The following GALK2 variants were observed in gnomAD, a reference collection of about 807,000 sequenced individuals.
GALK2 encodes galactokinase 2.
A neutral mutation model predicts 52.4 loss-of-function variants in GALK2; 36 were observed. The ratio of observed to expected loss-of-function variants is 0.69; its 90% confidence interval spans 0.53 to 0.91. The LOEUF (loss-of-function observed/expected upper bound fraction) is 0.91, where lower values mean the gene tolerates loss of function less well. GALK2 is among the 40% of genes least tolerant of loss of function. GALK2 has a pLI of 0.00. For missense variants in GALK2, 579 were observed against 559.1 expected, an observed-to-expected ratio of 1.04 and a Z score of -0.36; for synonymous variants, 176 against 199.1, an observed-to-expected ratio of 0.88 and a Z score of 0.98.
At chr15:49,337,955 C>T (rs950257048) in intron 3 of GALK2, among the ~76,000 whole-genome samples, 10 of 152,130 alleles carry the variant, frequency 6.6e-5, no homozygotes, top group Non-Finnish European at 2.9e-5. Context: ...AACACTGCCG[C>T]AATAAACATA....
At chr15:49,156,299 G>T in intron 1 of GALK2, 1 of 446,014 alleles carries the variant, frequency 2.2e-6, no homozygotes, top group South Asian at 2.2e-5. Flanking sequence ...ACATTACTGT[G>T]AACCTGAGGG....
chr15:49,184,260 T>C (rs1199611448), intron 1 of GALK2, among the ~76,000 whole-genome samples: 1 of 152,188 alleles, frequency 6.6e-6, no homozygotes, highest in Non-Finnish European at 1.5e-5. Flanking sequence ...TTTTTGGAAA[T>C]CTATTTTGTG....
At chr15:49,339,044 G>A (rs142198781) in intron 3 of GALK2, among the ~76,000 whole-genome samples, 2 of 152,138 alleles carry the variant, frequency 1.3e-5, no homozygotes, top group Non-Finnish European at 2.9e-5. Context: ...TTTTTTCAAG[G>A]TTCTTAGCTT....
chr15:49,216,102 G>A (rs2089346203), intron 2 of GALK2, among the ~76,000 whole-genome samples: 1 of 152,222 alleles, frequency 6.6e-6, no homozygotes, highest in Non-Finnish European at 1.5e-5. Context: ...CCAGTCAGAA[G>A]TAGTCTGTCT....
chr15:49,299,200 G>A (rs544571459), intron 8 of GALK2, among the ~76,000 whole-genome samples: 5 of 151,956 alleles, frequency 3.3e-5, no homozygotes, highest in Non-Finnish European at 7.4e-5. Flanking sequence ...TAGTGTCTGA[G>A]GGTTTTTTGT....
chr15:49,231,901 GC>G, intron 3 of GALK2, among the ~76,000 whole-genome samples: 1 of 152,308 alleles, frequency 6.6e-6, no homozygotes, highest in Non-Finnish European at 1.5e-5. Context: ...GCTTTCATGG[GC>G]TAGTGTTCAT....
At chr15:49,365,985 C>T in intron 3 of GALK2, 1 of 821,552 alleles carries the variant, frequency 1.2e-6, no homozygotes, top group Non-Finnish European at 2.2e-6. Flanking sequence ...GTAAGACCAT[C>T]ATAACACAGT....
intron 1 of GALK2, among the ~76,000 whole-genome samples, chr15:49,179,573 C>G (rs1228882208): frequency 6.6e-6 from 1 of 151,736 alleles, no homozygotes; most frequent in Non-Finnish European, 1.5e-5. Context: ...TTATTAAAGT[C>G]CATTTCATTC....
chr15:49,159,885 C>T (rs1290375475), intron 1 of GALK2, among the ~76,000 whole-genome samples: 3 of 152,094 alleles, frequency 2.0e-5, no homozygotes, highest in Non-Finnish European at 4.4e-5. Flanking sequence ...TGAAAGGATT[C>T]GGATATCATG....
At chr15:49,188,123 T>C (rs1427617675) in intron 1 of GALK2, among the ~76,000 whole-genome samples, 1 of 152,216 alleles carries the variant, frequency 6.6e-6, no homozygotes, top group Non-Finnish European at 1.5e-5. Flanking sequence ...CAGCAGGTGA[T>C]GAATTCTCCC....
intron 2 of GALK2, among the ~76,000 whole-genome samples, chr15:49,203,698 T>C (rs1209712382): frequency 6.6e-6 from 1 of 152,224 alleles, no homozygotes; most frequent in African/African-American, 2.4e-5. Context: ...AAATTCATTT[T>C]TATAAATGGT....
In GALK2 at chr15:49,270,747, G is replaced by T. The variant is rs527976482; in HGVS notation, c.505-11240G>T. Among the ~76,000 whole-genome samples the T allele has an allele frequency of 2.5e-4, 38 of 152,268 alleles. No homozygotes were observed. In the South Asian group the frequency reaches 7.9e-3, roughly 32 times the overall value. Reference sequence around the variant, plus strand: ...TTGACTCGGATTATGATTCATAGAGGTTCTTTCTTTCTCTTTCGTTTGCAT... The same window carrying T: ...TTGACTCGGATTATGATTCATAGAGTTTCTTTCTTTCTCTTTCGTTTGCAT... On this transcript the variant is annotated intron_variant, in intron 5 of 9. Coordinates refer to ENST00000560031, the MANE Select transcript of GALK2 (RefSeq NM_002044.4).
intron 4 of GALK2, among the ~76,000 whole-genome samples, chr15:49,236,651 C>T (rs888449454): frequency 6.6e-6 from 1 of 152,130 alleles, no homozygotes; most frequent in Non-Finnish European, 1.5e-5. Flanking sequence ...GTTTTTAGAG[C>T]CACTTTTATA....
intron 8 of GALK2, among the ~76,000 whole-genome samples, chr15:49,296,356 T>TAA (rs780687099): frequency 6.6e-6 from 1 of 152,234 alleles, no homozygotes; most frequent in Non-Finnish European, 1.5e-5. Flanking sequence ...ACCTCCCACT[T>TAA]ACAATTGAGA....
rs1185488809 is a variant in GALK2 at position 49,355,584 on chromosome 15, G to A, written c.427-11907G>A. On this transcript the variant is annotated intron_variant, in intron 3 of 3. Transcript: ENST00000558399. ...GAGCAAAGCCTCCAAGAAATATGGG[G>A]CTATGTGAAAAGACCAAATCTACGT... is the stretch of plus-strand genomic sequence containing the variant. Among the ~76,000 whole-genome samples the A allele has an allele frequency of 5.9e-5, 9 of 152,272 alleles. No individual in the cohort carries two copies. The East Asian group carries it at 7.7e-4, about 13-fold the overall frequency.
At chr15:49,351,853 T>C (rs781621670) in intron 3 of GALK2, among the ~76,000 whole-genome samples, 1 of 152,200 alleles carries the variant, frequency 6.6e-6, no homozygotes, top group Non-Finnish European at 1.5e-5. Flanking sequence ...TCAGTGGATG[T>C]GGGCTAGCTT....
intron 8 of GALK2, among the ~76,000 whole-genome samples, chr15:49,297,817 C>T (rs941899261): frequency 6.6e-6 from 1 of 152,174 alleles, no homozygotes; most frequent in Non-Finnish European, 1.5e-5. Flanking sequence ...GTTTTGGTTA[C>T]TGTAGCCTTG....
At chr15:49,306,155 C>T (rs1224569129) in intron 8 of GALK2, among the ~76,000 whole-genome samples, 1 of 151,896 alleles carries the variant, frequency 6.6e-6, no homozygotes, top group African/African-American at 2.4e-5. Context: ...CCAGGTCACT[C>T]TTCCTGTTCT....
At chr15:49,255,383 T>C (rs2091772257) in intron 5 of GALK2, among the ~76,000 whole-genome samples, 2 of 143,756 alleles carry the variant, frequency 1.4e-5, no homozygotes, top group South Asian at 4.5e-4. Flanking sequence ...TAGTTTTTTT[T>C]TCATTTTTTT....
Sources: gnomAD v4.1 joint callset for allele counts (sites outside exome capture counted in the v4.1 genomes callset) on GRCh38, gnomAD v4.1.1 for gene constraint, MANE v1.5 for transcripts, NCBI Gene and HGNC (gene_info 2026-07-23, HGNC 2026-07-21) for gene names.